EIF5: variants seen among roughly 807,000 people sequenced by gnomAD.
EIF5 encodes the protein eukaryotic translation initiation factor 5.
In EIF5, 10 loss-of-function variants were observed where a neutral mutation model predicts 48.3. That is an observed-to-expected ratio of 0.21 (90% CI 0.13 to 0.35). EIF5 has a LOEUF of 0.35. EIF5 is among the 10% of genes least tolerant of loss of function. The probability of loss-of-function intolerance (pLI) is 1.00; values close to 1 mark genes in which losing one functional copy is unlikely to be tolerated. For synonymous variants in EIF5, 237 were observed against 173.1 expected (o/e 1.37, Z -2.90); for missense variants, 397 against 533.2 (o/e 0.74, Z 2.51).
At position 103,344,917 on chromosome 14, in the gene EIF5, T is replaced by C. The variant is rs922878133; in HGVS notation, c.*3865T>C. 6.6e-6 allele frequency: 1 copy of C among 152,124 alleles called. No homozygotes were observed. 9.4% of individuals were successfully genotyped at this position (152,124 alleles called of 1,614,324 possible). On this transcript the variant is annotated 3_prime_UTR_variant, in exon 12 of 12. Coordinates refer to ENST00000216554, the MANE Select transcript of EIF5 (RefSeq NM_001969.5). ...GCATCACCTAAAATGTGACAAAAGA[T>C]GTTGAAAGGATGAAAAAAGGTATAG...
intron 6 of EIF5, chr14:103,338,089 T>C (rs2089310280): frequency 6.3e-6 from 4 of 639,046 alleles, no homozygotes; most frequent in East Asian, 5.6e-5. Context: ...TCTTACTCTT[T>C]CTTAGCAGTT....
rs553333253 is a variant in EIF5, at chr14:103,343,249, T to G, written c.*2197T>G. The G allele has an allele frequency of 1.3e-5, 2 of 152,328 alleles. No homozygotes were observed. Among genetic ancestry groups the G allele is most frequent in the African/African-American group, 2.4e-5 (1 of 41,452 alleles). The allele number at this position is 152,328 out of a possible 1,614,324, so 9.4% of individuals were successfully genotyped here. ...TCAAAGCATTGGAATCTGCCCTGTT[T>G]TGTAGCCGTTGCTTTGGATTTGTGT... On this transcript the variant is annotated 3_prime_UTR_variant, in exon 12 of 12. Transcript: ENST00000216554.
intron 10 of EIF5, 92 bp downstream of exon 10, chr14:103,339,895 G>T (rs746782336): frequency 2.5e-5 from 36 of 1,413,292 alleles, no homozygotes; most frequent in Non-Finnish European, 3.1e-5. Flanking sequence ...GTCTCATTCT[G>T]TTGTCCAGGC....
Position 103,341,305 on chromosome 14 carries a change from T to C in EIF5, c.*253T>C, listed in dbSNP as rs2089350153. ...TTTTGAAAAACTAGTGGTGGACACA[T>C]TTGGATCACATTTATACAGTTATAA... On this transcript the variant is annotated 3_prime_UTR_variant, in exon 12 of 12. Coordinates refer to ENST00000216554, the MANE Select transcript of EIF5 (RefSeq NM_001969.5). 1 of 401,172 alleles carries C rather than the reference T, an allele frequency of 2.5e-6. No homozygotes were observed. Among genetic ancestry groups the C allele is most frequent in the African/African-American group, 2.0e-5 (1 of 49,934 alleles). 24.9% of individuals were successfully genotyped at this position (401,172 alleles called of 1,614,324 possible).
In EIF5 at chr14:103,335,650, C is replaced by T. The variant is rs1219725901; in HGVS notation, c.-208-3C>T. On this transcript the variant is annotated splice_region_variant and splice_polypyrimidine_tract_variant and intron_variant, in intron 2 of 11. Coordinates refer to ENST00000216554, the MANE Select transcript of EIF5 (RefSeq NM_001969.5). Reference sequence around the variant, plus strand: ...TTGTGTGTTCTTTCCCTTTTTCTTTCAGAGCTGTTGCGCAGCCATTGGTAC... The same window carrying T: ...TTGTGTGTTCTTTCCCTTTTTCTTTTAGAGCTGTTGCGCAGCCATTGGTAC... 3 of 566,470 alleles carry T rather than the reference C, an allele frequency of 5.3e-6. No individual in the cohort carries two copies. The highest frequency in any genetic ancestry group is 3.8e-5 in the African/African-American group (2 of 53,238). The allele number at this position is 566,470 out of a possible 1,614,324, so 35.1% of individuals were successfully genotyped here.
chr14:103,336,433 TAGCC>T, intron 4 of EIF5: 1 of 551,250 alleles, frequency 1.8e-6, no homozygotes, highest in South Asian at 2.3e-5. Context: ...ATACAAAAAT[TAGCC>T]AGGCGTGGTG....
chr14:103,343,065 T>C lies in EIF5; in HGVS notation c.*2013T>C, dbSNP rs140250112. 2.0e-5 allele frequency: 3 copies of C among 152,808 alleles called. No individual in the cohort carries two copies. The highest frequency in any genetic ancestry group is 4.4e-5 in the Non-Finnish European group (3 of 68,040). The allele number at this position is 152,808 out of a possible 1,614,324, so 9.5% of individuals were successfully genotyped here. A position where few individuals can be genotyped will look rare whatever the true frequency, so the allele number is the denominator to read the frequency against. Reference sequence around the variant, plus strand: ...ACAAATTCACATAATCTGAACTTTGTTCACAGGTTATCCTAATAGAGTAAT... The same window carrying C: ...ACAAATTCACATAATCTGAACTTTGCTCACAGGTTATCCTAATAGAGTAAT... On this transcript the variant is annotated 3_prime_UTR_variant, in exon 12 of 12. Coordinates refer to ENST00000216554, the MANE Select transcript of EIF5 (RefSeq NM_001969.5).
chr14:103,341,425 A>G lies in EIF5; in HGVS notation c.*373A>G, dbSNP rs759293730. On this transcript the variant is annotated 3_prime_UTR_variant, in exon 12 of 12. Transcript: ENST00000216554. ...TCCTTACTTTAAATGTTCTGCCATCATTTCACCTGATGAGCATTCTTGGAG... is the reference window on the plus strand; with the variant it reads ...TCCTTACTTTAAATGTTCTGCCATCGTTTCACCTGATGAGCATTCTTGGAG... 3 of 175,284 alleles carry G rather than the reference A, an allele frequency of 1.7e-5. No homozygotes were observed. The highest frequency in any genetic ancestry group is 2.9e-4 in the East Asian group (2 of 6,880). The allele number at this position is 175,284 out of a possible 1,614,324, so 10.9% of individuals were successfully genotyped here.
chr14:103,334,947 C>T (rs2089266002), intron 2 of EIF5: 1 of 152,232 alleles, frequency 6.6e-6, no homozygotes, highest in Admixed American at 6.5e-5. Flanking sequence ...GGGGGACGCG[C>T]TGGGGATGGG....
intron 7 of EIF5, 81 bp downstream of exon 7, chr14:103,338,553 G>A: frequency 1.3e-6 from 2 of 1,508,160 alleles, no homozygotes; most frequent in East Asian, 2.5e-5. Context: ...TGGAAATGTT[G>A]AAACTAGCCT....
chr14:103,340,261 G>C, intron 10 of EIF5, 166 bp from the exon 11 acceptor site: 1 of 710,300 alleles, frequency 1.4e-6, no homozygotes, highest in South Asian at 2.0e-5. Flanking sequence ...CAGATTTGTA[G>C]TCATAACAGA....
intron 2 of EIF5, chr14:103,334,838 T>C (rs914252990): frequency 6.6e-6 from 1 of 151,748 alleles, no homozygotes; most frequent in Non-Finnish European, 1.5e-5. Flanking sequence ...GCTGCATTTG[T>C]GAGTCATCGC....
At chr14:103,337,263 A>G (rs762528978) in intron 6 of EIF5, 36 bp downstream of exon 6, 1 of 1,531,988 alleles carries the variant, frequency 6.5e-7, no homozygotes, top group Non-Finnish European at 8.9e-7. Flanking sequence ...AGATCCTAAG[A>G]TAAGTTACTA....
At chr14:103,336,296 G>A (rs2089284974) in intron 4 of EIF5, 179 bp downstream of exon 4, 1 of 702,608 alleles carries the variant, frequency 1.4e-6, no homozygotes, top group African/African-American at 1.8e-5. Context: ...TTTAAAGAGT[G>A]GATGGCTGGG....
Position 103,339,291 on chromosome 14 carries a change from G to A in EIF5, c.864G>A (p.Lys288=), listed in dbSNP as rs1242012263. The A allele has an allele frequency of 6.2e-7, 1 of 1,609,052 alleles. No homozygotes were observed. The highest frequency in any genetic ancestry group is 1.3e-5 in the African/African-American group (1 of 74,438). The change falls in exon 9 of 12, where the codon AAG becomes AAA. Residue 288 remains lysine, a synonymous_variant. Coordinates refer to ENST00000216554, the MANE Select transcript of EIF5 (RefSeq NM_001969.5). Reference sequence around the variant, plus strand: ...TAACTGAAGTTCTTTTTAATGAGAAGATTAGAGAACAGATTAAGAAATACA... The same window carrying A: ...TAACTGAAGTTCTTTTTAATGAGAAAATTAGAGAACAGATTAAGAAATACA... ...LVLTEVLFNE[K]IREQIKKYRR... is the part of the protein sequence containing the mutation.
At chr14:103,335,058 C>T (rs924138643) in intron 2 of EIF5, 5 of 152,220 alleles carry the variant, frequency 3.3e-5, no homozygotes, top group Non-Finnish European at 7.3e-5. Context: ...GGGACCAGGG[C>T]GAAGGTTAAC....
Position 103,339,340 on chromosome 14 carries a change from A to C in EIF5, c.906+7A>C, listed in dbSNP as rs779163472. ...CAGGCGCCATTTCCTACGAGTAAGCAAAGTGCTCTGGATTCATAAATGAGA... is the reference window on the plus strand; with the variant it reads ...CAGGCGCCATTTCCTACGAGTAAGCCAAGTGCTCTGGATTCATAAATGAGA... On this transcript the variant is annotated splice_region_variant and intron_variant, in intron 9 of 11. Transcript: ENST00000216554. 22 of 1,585,134 alleles carry C rather than the reference A, an allele frequency of 1.4e-5. No homozygotes were observed. Among genetic ancestry groups the C allele is most frequent in the Non-Finnish European group, 1.9e-5 (22 of 1,171,912 alleles).
Position 103,335,727 on chromosome 14 carries a change from GA to G in EIF5, c.-130del. Reference sequence around the variant, plus strand: ...GCAAGAAGCTTACAGCCTCAGTGGCGAAAATTTTTTCATGTCAGAGACCGAG... The same window carrying G: ...GCAAGAAGCTTACAGCCTCAGTGGCGAAATTTTTTCATGTCAGAGACCGAG... On this transcript the variant is annotated 5_prime_UTR_variant, in exon 3 of 12. Transcript: ENST00000216554. 9.7e-7 allele frequency: 1 copy of G among 1,026,596 alleles called. No individual in the cohort carries two copies. Among genetic ancestry groups the G allele is most frequent in the South Asian group, 1.5e-5 (1 of 67,846 alleles). 63.6% of individuals were successfully genotyped at this position (1,026,596 alleles called of 1,614,324 possible).
At position 103,337,617 on chromosome 14, in the gene EIF5, C is replaced by A. The variant is rs189972171; in HGVS notation, c.439+390C>A. Reference sequence around the variant, plus strand: ...TGTCTCAAAAAAACAATATAAGGAACCTTTTAGTCCTTGTACTATATTTTA... The same window carrying A: ...TGTCTCAAAAAAACAATATAAGGAAACTTTTAGTCCTTGTACTATATTTTA... On this transcript the variant is annotated intron_variant, in intron 6 of 11. Coordinates refer to ENST00000216554, the MANE Select transcript of EIF5 (RefSeq NM_001969.5). 830 of 315,738 alleles carry A rather than the reference C, an allele frequency of 2.6e-3. 4 individuals carry two copies. The highest frequency in any genetic ancestry group is 3.3e-3 in the Non-Finnish European group (547 of 165,062). 19.6% of individuals were successfully genotyped at this position (315,738 alleles called of 1,614,324 possible). A position where few individuals can be genotyped will look rare whatever the true frequency, so the allele number is the denominator to read the frequency against.
Sources: allele counts gnomAD v4.1 joint callset, GRCh38; gene constraint gnomAD v4.1.1; transcripts MANE v1.5; gene names NCBI Gene and HGNC (gene_info 2026-07-23, HGNC 2026-07-21).